Variants in LINGO2 observed in about 807,000 individuals in gnomAD.
LINGO2 encodes the protein leucine-rich repeat and immunoglobulin-like domain-containing nogo receptor-interacting protein 2.
In LINGO2, 14 loss-of-function variants were observed where a neutral mutation model predicts 30.6. The ratio of observed to expected loss-of-function variants is 0.46; its 90% CI spans 0.30 to 0.72. LINGO2 has a LOEUF of 0.72. Ranked by LOEUF, LINGO2 falls within the 30% of genes least tolerant of loss-of-function variation. LINGO2 has a pLI of 0.07. For missense variants in LINGO2, 729 were observed against 751.7 expected, an observed-to-expected ratio of 0.97 and a Z score of 0.35; for synonymous variants, 317 against 288.5, an observed-to-expected ratio of 1.10 and a Z score of -1.00.
intron 4 of LINGO2, among the ~76,000 whole-genome samples, chr9:28,285,227 A>G (rs1395326678): frequency 7.4e-6 from 1 of 134,962 alleles, no homozygotes; most frequent in Non-Finnish European, 1.6e-5. Flanking sequence ...TATCATCGTT[A>G]TCATCATCAT....
At chr9:28,253,739 T>C (rs747242707) in intron 4 of LINGO2, among the ~76,000 whole-genome samples, 3 of 152,114 alleles carry the variant, frequency 2.0e-5, no homozygotes, top group Non-Finnish European at 4.4e-5. Flanking sequence ...TAACTTCCCT[T>C]CCTGGTCTCA....
At chr9:28,023,465 T>C (rs1823233167) in intron 4 of LINGO2, among the ~76,000 whole-genome samples, 1 of 152,170 alleles carries the variant, frequency 6.6e-6, no homozygotes, top group Non-Finnish European at 1.5e-5. Flanking sequence ...GTTACTATAT[T>C]GGAAACTTGT....
At chr9:28,934,108 C>G in the LINGO2 span, among the ~76,000 whole-genome samples, 1 of 152,168 alleles carries the variant, frequency 6.6e-6, no homozygotes, top group African/African-American at 2.4e-5. Flanking sequence ...ATGGATCCAG[C>G]TCTCTGAAAA....
At chr9:28,723,504 A>C in the LINGO2 span, among the ~76,000 whole-genome samples, 1 of 152,100 alleles carries the variant, frequency 6.6e-6, no homozygotes, top group Non-Finnish European at 1.5e-5. Flanking sequence ...CCTATCCCTT[A>C]GTGGGGTACC....
chr9:27,945,259 A>G (rs1405789269), downstream of LINGO2, among the ~76,000 whole-genome samples: 3 of 152,142 alleles, frequency 2.0e-5, no homozygotes, highest in Admixed American at 6.6e-5. Context: ...ATAAAAATAC[A>G]TGTGTTTGTA....
chr9:28,318,033 C>T (rs1381398322), intron 3 of LINGO2, among the ~76,000 whole-genome samples: 1 of 152,200 alleles, frequency 6.6e-6, no homozygotes, highest in Non-Finnish European at 1.5e-5. Flanking sequence ...TGCAGCCATA[C>T]AAGAAGCAAC....
chr9:28,615,344 G>A (rs1337274824), intron 1 of LINGO2, among the ~76,000 whole-genome samples: 2 of 152,108 alleles, frequency 1.3e-5, no homozygotes, highest in African/African-American at 2.4e-5. Context: ...AAACGCCTAC[G>A]CAAGTCCAAT....
chr9:29,027,187 A>C, the LINGO2 span, among the ~76,000 whole-genome samples: 1 of 152,324 alleles, frequency 6.6e-6, no homozygotes, highest in African/African-American at 2.4e-5. Context: ...GTTAAGTAAC[A>C]GGTCAACTTA....
At chr9:28,599,463 T>C (rs1384405808) in intron 1 of LINGO2, among the ~76,000 whole-genome samples, 1 of 152,194 alleles carries the variant, frequency 6.6e-6, no homozygotes, top group Non-Finnish European at 1.5e-5. Flanking sequence ...TGTTGGTGGC[T>C]TGTTAAATAG....
In LINGO2 at chr9:28,147,864, C is replaced by T. The variant is rs1169523830; in HGVS notation, c.-86-135459G>A. ...TCCACACCCTGGCTCTGTCACCAGC[C>T]CCATAGTGATGTCATAAACTCCCAG... On this transcript the variant is annotated intron_variant, in intron 4 of 5. Coordinates refer to ENST00000379992, the Ensembl canonical transcript of LINGO2. The surrounding 1 kb of genome is among the most constrained non-coding windows in gnomAD (Gnocchi z 4.7). Among the ~76,000 whole-genome samples the T allele has an allele frequency of 1.3e-5, 2 of 152,144 alleles. No individual in the cohort carries two copies. The highest frequency in any genetic ancestry group is 2.9e-5 in the Non-Finnish European group (2 of 68,016).
At chr9:28,493,245 G>T (rs1267284027) in intron 1 of LINGO2, among the ~76,000 whole-genome samples, 1 of 152,116 alleles carries the variant, frequency 6.6e-6, no homozygotes, top group African/African-American at 2.4e-5. Context: ...GAATCCCTTT[G>T]TTAATACTTC....
At chr9:28,833,917 T>C in the LINGO2 span, among the ~76,000 whole-genome samples, 1 of 152,180 alleles carries the variant, frequency 6.6e-6, no homozygotes, top group African/African-American at 2.4e-5. Context: ...GCTCTCCTTC[T>C]TTATATCGCA....
intron 4 of LINGO2, among the ~76,000 whole-genome samples, chr9:28,210,430 T>TA (rs1384083852): frequency 1.3e-5 from 2 of 151,512 alleles, no homozygotes; most frequent in East Asian, 1.9e-4. Flanking sequence ...GCTGTAAGAA[T>TA]AAAAAAAATA....
chr9:28,526,398 A>T (rs1214648388), intron 1 of LINGO2, among the ~76,000 whole-genome samples: 3 of 152,212 alleles, frequency 2.0e-5, no homozygotes, highest in Non-Finnish European at 4.4e-5. Flanking sequence ...CAAGATACTC[A>T]GAGAGACTAG....
chr9:28,030,647 A>G (rs1470827847), intron 4 of LINGO2, among the ~76,000 whole-genome samples: 1 of 152,214 alleles, frequency 6.6e-6, no homozygotes, highest in Non-Finnish European at 1.5e-5. Context: ...CACTTGCAGT[A>G]ATGCACCATC....
At chr9:28,678,036 G>C in the LINGO2 span, among the ~76,000 whole-genome samples, 1 of 150,824 alleles carries the variant, frequency 6.6e-6, no homozygotes, top group Non-Finnish European at 1.5e-5. Context: ...CTTTCTTCTT[G>C]AGCTCCTGCC....
chr9:28,624,305 G>C (rs954287769), intron 1 of LINGO2, among the ~76,000 whole-genome samples: 1 of 151,930 alleles, frequency 6.6e-6, no homozygotes, highest in Non-Finnish European at 1.5e-5. Flanking sequence ...TACTAGCTGT[G>C]CATCTGTCAT....
intron 3 of LINGO2, among the ~76,000 whole-genome samples, chr9:28,343,530 T>G (rs1458166822): frequency 6.6e-6 from 1 of 152,188 alleles, no homozygotes; most frequent in African/African-American, 2.4e-5. Flanking sequence ...TAAGTACTGA[T>G]AGACATCGTG....
At chr9:28,839,317 G>T in the LINGO2 span, among the ~76,000 whole-genome samples, 1 of 152,146 alleles carries the variant, frequency 6.6e-6, no homozygotes, top group Non-Finnish European at 1.5e-5. Context: ...AGGTGAAGAG[G>T]TGCTTTATTG....
Sources: allele counts gnomAD v4.1 joint callset (sites outside exome capture counted in the v4.1 genomes callset), GRCh38; gene constraint gnomAD v4.1.1; non-coding constraint Gnocchi (gnomAD v3.1); transcripts MANE v1.5; gene names NCBI Gene and HGNC (gene_info 2026-07-23, HGNC 2026-07-21).